Variants in NSD3 observed in about 807,000 individuals in gnomAD.
NSD3 encodes the protein histone-lysine N-methyltransferase NSD3.
In NSD3, 24 loss-of-function variants were observed where a neutral mutation model predicts 160.8. That is an observed-to-expected ratio of 0.15 (90% CI 0.11 to 0.21). NSD3 has a LOEUF of 0.21. Ranked by LOEUF, NSD3 falls within the 10% of genes least tolerant of loss-of-function variation. The pLI, the probability that NSD3 is intolerant of heterozygous loss-of-function variation, is 1.00. For synonymous variants in NSD3, 520 were observed against 600.0 expected (o/e 0.87, Z 1.95); for missense variants, 1,157 against 1,735.9 (o/e 0.67, Z 5.93).
At position 38,269,983 on chromosome 8, in the gene NSD3, A is replaced by G. The variant is rs1808384376; in HGVS notation, c.*5658T>C. On this transcript the variant is annotated 3_prime_UTR_variant, in exon 24 of 24. Coordinates refer to ENST00000317025, the MANE Select transcript of NSD3 (RefSeq NM_023034.2). Reference sequence around the variant, plus strand: ...CAATAAGCTATCTATATACAGGTTAACCAAGCTTTACACGTTTCACACTAT... The same window carrying G: ...CAATAAGCTATCTATATACAGGTTAGCCAAGCTTTACACGTTTCACACTAT... The G allele has an allele frequency of 6.6e-6, 1 of 152,260 alleles. No individual in the cohort carries two copies. Among genetic ancestry groups the G allele is most frequent in the African/African-American group, 2.4e-5 (1 of 41,472 alleles). The allele number at this position is 152,260 out of a possible 1,614,324, so 9.4% of individuals were successfully genotyped here. A position where few individuals can be genotyped will look rare whatever the true frequency, so the allele number is the denominator to read the frequency against.
rs1386463290 is a variant in NSD3, at chr8:38,381,952, T to G, written c.-198A>C. The G allele has an allele frequency of 6.6e-6, 1 of 152,318 alleles. No individual in the cohort carries two copies. The highest frequency in any genetic ancestry group is 1.5e-5 in the Non-Finnish European group (1 of 67,970). 9.4% of individuals were successfully genotyped at this position (152,318 alleles called of 1,614,324 possible). A position where few individuals can be genotyped will look rare whatever the true frequency, so the allele number is the denominator to read the frequency against. On this transcript the variant is annotated 5_prime_UTR_variant, in exon 1 of 24. Transcript: ENST00000317025. Reference sequence around the variant, plus strand: ...GGCCGCATGAAATCCCCGGGCTAGATTTTCCCCGCGCCGGACGCCTCTGCC... The same window carrying G: ...GGCCGCATGAAATCCCCGGGCTAGAGTTTCCCCGCGCCGGACGCCTCTGCC...
At chr8:38,350,735 T>C (rs1810671099) in intron 1 of NSD3, among the ~76,000 whole-genome samples, 1 of 152,164 alleles carries the variant, frequency 6.6e-6, no homozygotes, top group African/African-American at 2.4e-5. Flanking sequence ...CTTTGATGCA[T>C]ATTCTTGGTT....
chr8:38,307,135 A>AAATAAAT (rs377601237), intron 12 of NSD3, among the ~76,000 whole-genome samples: 11 of 93,692 alleles, frequency 1.2e-4, no homozygotes, highest in African/African-American at 3.2e-4. Flanking sequence ...AAAATAAAAT[A>AAATAAAT]AAATAAATAA....
chr8:38,363,459 A>G (rs546095519), intron 1 of NSD3, among the ~76,000 whole-genome samples: 8 of 151,918 alleles, frequency 5.3e-5, no homozygotes, highest in Non-Finnish European at 8.8e-5. Flanking sequence ...CCTGGCCAAC[A>G]TGGTGAGACT....
At chr8:38,332,579 G>A (rs1042261563) in intron 4 of NSD3, among the ~76,000 whole-genome samples, 2 of 152,234 alleles carry the variant, frequency 1.3e-5, no homozygotes, top group African/African-American at 2.4e-5. Flanking sequence ...ATGCTACTCT[G>A]AAATTGGTTT....
In NSD3 at chr8:38,335,144, C is replaced by A. The variant is rs768924477; in HGVS notation, c.910+2161G>T. Among the ~76,000 whole-genome samples the A allele has an allele frequency of 9.9e-5, 15 of 152,116 alleles. No individual in the cohort carries two copies. In the South Asian group the frequency reaches 2.7e-3, roughly 27 times the overall value. On this transcript the variant is annotated intron_variant, in intron 4 of 23. Transcript: ENST00000317025. ...GAGACCTTAGAGGCATGCGCCAAAACGCCTGGCTAATTTTTGTATTTTCAG... is the reference window on the plus strand; with the variant it reads ...GAGACCTTAGAGGCATGCGCCAAAAAGCCTGGCTAATTTTTGTATTTTCAG...
intron 8 of NSD3, 85 bp downstream of exon 8, chr8:38,320,987 A>G (rs1481466935): frequency 7.6e-7 from 1 of 1,307,456 alleles, no homozygotes; most frequent in African/African-American, 1.5e-5. Context: ...GTGTGGGGGA[A>G]AGTTTCTCTT....
At chr8:38,334,981 A>AT (rs1166396294) in intron 4 of NSD3, among the ~76,000 whole-genome samples, 18,747 of 132,878 alleles carry the variant, frequency 0.14, 1,595 homozygotes, top group Non-Finnish European at 0.16. Context: ...CCAGGCTAGA[A>AT]TTTTTTTTTT....
intron 1 of NSD3, among the ~76,000 whole-genome samples, chr8:38,359,821 G>A (rs1302478063): frequency 1.3e-5 from 2 of 152,058 alleles, no homozygotes; most frequent in Non-Finnish European, 2.9e-5. Context: ...TATCCTTTGA[G>A]GGAACAAACA....
rs775295600 is a variant in NSD3, at chr8:38,329,366, A to G, written c.1581+12T>C. On this transcript the variant is annotated intron_variant, in intron 6 of 23. Coordinates refer to ENST00000317025, the MANE Select transcript of NSD3 (RefSeq NM_023034.2). The surrounding 1 kb of genome is among the most constrained non-coding windows in gnomAD (Gnocchi z 4.8). ...ACCATCCCCCAAAAAACTCCACGAA[A>G]AAAGGAGGTACCTTTGTTGAATAAA... 1.0e-5 allele frequency: 16 copies of G among 1,597,746 alleles called. No homozygotes were observed. In the South Asian group the frequency reaches 1.8e-4, roughly 18 times the overall value.
In NSD3 at chr8:38,334,832, A is replaced by G. The variant is rs924068816; in HGVS notation, c.910+2473T>C. 8.5e-5 allele frequency among the ~76,000 whole-genome samples: 13 copies of G among 152,202 alleles called. No individual in the cohort carries two copies. In the East Asian group the frequency reaches 2.5e-3, roughly 29 times the overall value. On this transcript the variant is annotated intron_variant, in intron 4 of 23. Coordinates refer to ENST00000317025, the MANE Select transcript of NSD3 (RefSeq NM_023034.2). The stretch of plus-strand genomic sequence containing the variant: ...TTTCAATAAAGTTTTTAAAACTACT[A>G]TAGAAAAATAATTTAAATTTTTATT...
At chr8:38,305,159 C>T in intron 13 of NSD3, 89 bp downstream of exon 13, 1 of 1,302,230 alleles carries the variant, frequency 7.7e-7, no homozygotes, top group Non-Finnish European at 1.1e-6. Flanking sequence ...AAGAAGAATG[C>T]CTTATGTTGT....
chr8:38,342,063 C>T (rs1413788486), intron 2 of NSD3, among the ~76,000 whole-genome samples: 1 of 151,934 alleles, frequency 6.6e-6, no homozygotes, highest in East Asian at 1.9e-4. Context: ...TTTGAAACAC[C>T]ATCAAAATCA....
intron 5 of NSD3, among the ~76,000 whole-genome samples, chr8:38,330,872 G>A (rs187796117): frequency 1.8e-4 from 27 of 152,150 alleles, no homozygotes; most frequent in African/African-American, 5.8e-4. Flanking sequence ...TGTGATCTCG[G>A]TTGAACCAGT....
chr8:38,323,236 C>G (rs576898680), intron 7 of NSD3, among the ~76,000 whole-genome samples: 71 of 151,568 alleles, frequency 4.7e-4, no homozygotes, highest in African/African-American at 1.7e-3. Flanking sequence ...TTTTTTGTAC[C>G]TTTGTAGAGA....
intron 12 of NSD3, among the ~76,000 whole-genome samples, chr8:38,309,502 T>C (rs754138283): frequency 3.3e-5 from 5 of 151,836 alleles, no homozygotes; most frequent in Non-Finnish European, 7.4e-5. Context: ...AATAAAAAGC[T>C]AGCTGGGCAT....
chr8:38,363,263 AC>A (rs1450513854), intron 1 of NSD3, among the ~76,000 whole-genome samples: 1 of 152,186 alleles, frequency 6.6e-6, no homozygotes, highest in Admixed American at 6.5e-5. Flanking sequence ...ATTCAGGTGG[AC>A]CCAACATAAT....
At chr8:38,322,780 G>A (rs969914863) in intron 7 of NSD3, among the ~76,000 whole-genome samples, 3 of 152,164 alleles carry the variant, frequency 2.0e-5, no homozygotes, top group Admixed American at 1.3e-4. Flanking sequence ...CGACAAAAAT[G>A]TGACAGTGCC....
intron 19 of NSD3, among the ~76,000 whole-genome samples, chr8:38,283,252 C>T (rs1808775075): frequency 6.6e-6 from 1 of 152,176 alleles, no homozygotes; most frequent in Admixed American, 6.5e-5. Context: ...TTAACCTTTT[C>T]ACCTCAAAAG....
Sources: gnomAD v4.1 joint callset for allele counts (sites outside exome capture counted in the v4.1 genomes callset) on GRCh38, gnomAD v4.1.1 for gene constraint, Gnocchi (gnomAD v3.1) non-coding constraint, MANE v1.5 for transcripts, NCBI Gene and HGNC (gene_info 2026-07-23, HGNC 2026-07-21) for gene names.